Variants in MARCHF4 observed in about 807,000 individuals in gnomAD.
MARCHF4 encodes the protein E3 ubiquitin-protein ligase MARCHF4.
A neutral mutation model predicts 43.9 loss-of-function variants in MARCHF4; 14 were observed. That is an observed-to-expected ratio of 0.32 (90% CI 0.21 to 0.50). MARCHF4 has a LOEUF of 0.50. Ranked by LOEUF, MARCHF4 falls within the 20% of genes least tolerant of loss-of-function variation. MARCHF4 has a pLI of 0.98. For missense variants in MARCHF4, 468 were observed against 536.7 expected, an observed-to-expected ratio of 0.87 and a Z score of 1.27; for synonymous variants, 226 against 213.3, an observed-to-expected ratio of 1.06 and a Z score of -0.52.
At chr2:216,327,934 TA>T (rs1483674387) in intron 1 of MARCHF4, among the ~76,000 whole-genome samples, 5 of 148,686 alleles carry the variant, frequency 3.4e-5, no homozygotes, top group Non-Finnish European at 7.4e-5. Flanking sequence ...TTATGTGAAA[TA>T]TTTTTTTTTA....
intron 2 of MARCHF4, among the ~76,000 whole-genome samples, chr2:216,278,377 C>T (rs769328941): frequency 2.6e-5 from 4 of 152,098 alleles, no homozygotes; most frequent in African/African-American, 7.2e-5. Flanking sequence ...GCACCCAACA[C>T]CATGCGTGGC....
At chr2:216,281,323 A>G (rs1467731925) in intron 2 of MARCHF4, among the ~76,000 whole-genome samples, 1 of 152,056 alleles carries the variant, frequency 6.6e-6, no homozygotes, top group Non-Finnish European at 1.5e-5. Flanking sequence ...TCAGCCTCCC[A>G]TCAGTGCTGG....
chr2:216,263,527 GAGAGAGAGAGAA>G (rs1489262094), intron 3 of MARCHF4, among the ~76,000 whole-genome samples: 1 of 150,980 alleles, frequency 6.6e-6, no homozygotes, highest in African/African-American at 2.4e-5. Flanking sequence ...GAGAGAGAGA[GAGAGAGAGAGAA>G]AGAGAGAGAG....
chr2:216,300,350 G>GTATATATATATATATATATATA (rs201683040), intron 1 of MARCHF4, among the ~76,000 whole-genome samples: 2 of 115,802 alleles, frequency 1.7e-5, no homozygotes, highest in African/African-American at 3.5e-5. Flanking sequence ...ATATATATAT[G>GTATATATATATATATATATATA]TATATATATA....
intron 1 of MARCHF4, among the ~76,000 whole-genome samples, chr2:216,339,764 T>G (rs1692209721): frequency 6.6e-6 from 1 of 152,100 alleles, no homozygotes; most frequent in African/African-American, 2.4e-5. Flanking sequence ...TGGGTTTTAT[T>G]GGGGCCTCTC....
chr2:216,341,876 C>A (rs1216251887), intron 1 of MARCHF4, among the ~76,000 whole-genome samples: 1 of 152,176 alleles, frequency 6.6e-6, no homozygotes, highest in Non-Finnish European at 1.5e-5. Context: ...CAGATAGCAG[C>A]TGCTCACCAA....
intron 3 of MARCHF4, among the ~76,000 whole-genome samples, chr2:216,266,601 C>A (rs560885515): frequency 1.3e-5 from 2 of 152,204 alleles, no homozygotes; most frequent in Non-Finnish European, 2.9e-5. Context: ...AGGCACTCTC[C>A]TTCCCTGCAG....
intron 3 of MARCHF4, among the ~76,000 whole-genome samples, chr2:216,260,874 G>A (rs930282400): frequency 6.6e-6 from 1 of 152,210 alleles, no homozygotes; most frequent in Admixed American, 6.5e-5. Context: ...GTTGGAAATG[G>A]TGATAGCATT....
intron 1 of MARCHF4, among the ~76,000 whole-genome samples, chr2:216,354,921 T>A (rs1227347484): frequency 3.4e-5 from 4 of 118,412 alleles, no homozygotes; most frequent in African/African-American, 1.4e-4. Context: ...CTTTCTTTCT[T>A]TCTTTCTTTC....
intron 2 of MARCHF4, among the ~76,000 whole-genome samples, chr2:216,279,472 T>C (rs921568698): frequency 6.6e-6 from 1 of 152,186 alleles, no homozygotes; most frequent in Admixed American, 6.5e-5. Flanking sequence ...TTTGGGAAGG[T>C]AGGGGGAGGA....
At chr2:216,267,538 A>T (rs1690865450) in intron 3 of MARCHF4, among the ~76,000 whole-genome samples, 1 of 152,156 alleles carries the variant, frequency 6.6e-6, no homozygotes, top group Admixed American at 6.6e-5. Context: ...CTGCTCAGGA[A>T]CTTCTATTGG....
In MARCHF4 at chr2:216,372,014, G is replaced by A. The variant is rs951574766; in HGVS notation, c.-1754C>T. ...GGTGGGGAGGGGGGAGCGAAGCAGT[G>A]TGGCCGAGGTGGGAGGCAGCCGGCA... On this transcript the variant is annotated 5_prime_UTR_variant, in exon 1 of 4. Transcript: ENST00000273067. The A allele has an allele frequency of 6.6e-6, 1 of 152,520 alleles. No individual in the cohort carries two copies. Among genetic ancestry groups the A allele is most frequent in the African/African-American group, 2.4e-5 (1 of 41,460 alleles). 9.4% of individuals were successfully genotyped at this position (152,520 alleles called of 1,614,324 possible).
Position 216,258,068 on chromosome 2 carries a change from G to A in MARCHF4, c.*1244C>T, listed in dbSNP as rs1423432029. On this transcript the variant is annotated 3_prime_UTR_variant, in exon 4 of 4. Transcript: ENST00000273067. ...CCTTCCCTGGCAGGGTCCCCAGAGC[G>A]AGCAGGAGGGGTCCAGGGGTAGTGC... The A allele has an allele frequency of 3.9e-5, 6 of 152,188 alleles. No homozygotes were observed. Among genetic ancestry groups the A allele is most frequent in the African/African-American group, 7.2e-5 (3 of 41,412 alleles). 9.4% of individuals were successfully genotyped at this position (152,188 alleles called of 1,614,324 possible). A position where few individuals can be genotyped will look rare whatever the true frequency, so the allele number is the denominator to read the frequency against.
intron 1 of MARCHF4, among the ~76,000 whole-genome samples, chr2:216,299,405 C>T (rs780819718): frequency 2.0e-5 from 3 of 152,186 alleles, no homozygotes; most frequent in Non-Finnish European, 2.9e-5. Context: ...AGGGCAAAGA[C>T]ACCTGGGCTG....
chr2:216,291,216 T>A (rs544357934), intron 1 of MARCHF4, among the ~76,000 whole-genome samples: 22 of 152,206 alleles, frequency 1.4e-4, no homozygotes, highest in African/African-American at 5.1e-4. Context: ...AGGACATTTT[T>A]CCAAAAGCCA....
chr2:216,315,991 G>A (rs1470751434), intron 1 of MARCHF4, among the ~76,000 whole-genome samples: 1 of 152,120 alleles, frequency 6.6e-6, no homozygotes, highest in Non-Finnish European at 1.5e-5. Flanking sequence ...TAAGGGAGGC[G>A]ACATCCTCCA....
intron 1 of MARCHF4, among the ~76,000 whole-genome samples, chr2:216,289,380 C>G (rs1691271990): frequency 6.6e-6 from 1 of 152,088 alleles, no homozygotes; most frequent in Admixed American, 6.6e-5. Flanking sequence ...TGAAGTTTCT[C>G]CCACATGATA....
chr2:216,280,276 T>C (rs1422009389), intron 2 of MARCHF4, among the ~76,000 whole-genome samples: 1 of 151,910 alleles, frequency 6.6e-6, no homozygotes, highest in Non-Finnish European at 1.5e-5. Context: ...CTCAGTATCA[T>C]GAGGTTTCTC....
chr2:216,316,309 TTG>T (rs1691775156), intron 1 of MARCHF4, among the ~76,000 whole-genome samples: 1 of 152,178 alleles, frequency 6.6e-6, no homozygotes, highest in Non-Finnish European at 1.5e-5. Context: ...ACATTCTTAA[TTG>T]TGCTTCCTGC....
Sources: gnomAD v4.1 joint callset for allele counts (sites outside exome capture counted in the v4.1 genomes callset) on GRCh38, gnomAD v4.1.1 for gene constraint, MANE v1.5 for transcripts, NCBI Gene and HGNC (gene_info 2026-07-23, HGNC 2026-07-21) for gene names.